Variants in STK40 observed in about 807,000 individuals in gnomAD.
STK40 encodes the protein serine/threonine-protein kinase 40.
In STK40, 13 loss-of-function variants were observed where a neutral mutation model predicts 47.9. The observed-to-expected ratio is 0.27, with a 90% confidence interval of 0.18 to 0.43. The LOEUF (loss-of-function observed/expected upper bound fraction) is 0.43, where lower values mean the gene tolerates loss of function less well. Ranked by LOEUF, STK40 falls within the 20% of genes least tolerant of loss-of-function variation. The pLI, the probability that STK40 is intolerant of heterozygous loss-of-function variation, is 1.00. For missense variants in STK40, 460 were observed against 595.1 expected (o/e 0.77, Z 2.36); for synonymous variants, 225 against 243.2 (o/e 0.93, Z 0.69).
chr1:36,374,158 G>A (rs1646972656), intron 1 of STK40, among the ~76,000 whole-genome samples: 1 of 152,266 alleles, frequency 6.6e-6, no homozygotes, highest in South Asian at 2.1e-4. Context: ...TCTCCTCCAG[G>A]AAGCAAGGTT....
At chr1:36,356,194 G>C (rs1322604551) in intron 4 of STK40, among the ~76,000 whole-genome samples, 2 of 152,156 alleles carry the variant, frequency 1.3e-5, no homozygotes, top group Non-Finnish European at 2.9e-5. Flanking sequence ...TGCACTGCCA[G>C]GGCTCAGTAA....
chr1:36,360,182 G>A (rs989294338), intron 2 of STK40, among the ~76,000 whole-genome samples: 1 of 151,878 alleles, frequency 6.6e-6, no homozygotes, highest in Non-Finnish European at 1.5e-5. Flanking sequence ...AACAGCACAG[G>A]CCTGGCACGT....
At chr1:36,373,059 C>T (rs1447305032) in intron 1 of STK40, among the ~76,000 whole-genome samples, 2 of 152,172 alleles carry the variant, frequency 1.3e-5, no homozygotes, top group Non-Finnish European at 2.9e-5. Flanking sequence ...ATTTGGGGGT[C>T]ATGGAGGTCC....
chr1:36,343,497 T>G, intron 9 of STK40, 49 bp from the exon 10 acceptor site: 1 of 1,555,602 alleles, frequency 6.4e-7, no homozygotes, highest in Non-Finnish European at 8.8e-7. Flanking sequence ...ACCAGGTCCA[T>G]TGATCCCAGA....
At chr1:36,373,802 A>G (rs1570464056) in intron 1 of STK40, among the ~76,000 whole-genome samples, 1 of 152,362 alleles carries the variant, frequency 6.6e-6, no homozygotes, top group Admixed American at 6.5e-5. Context: ...TTTAATGCAT[A>G]ATATCACATC....
intron 6 of STK40, among the ~76,000 whole-genome samples, chr1:36,352,766 G>A (rs992844947): frequency 5.3e-5 from 8 of 152,168 alleles, no homozygotes; most frequent in Admixed American, 2.0e-4. Context: ...CCCTCTGCAC[G>A]CCAGTCCTCC....
chr1:36,358,561 CA>C (rs1392251332), intron 3 of STK40, among the ~76,000 whole-genome samples, 175 bp downstream of exon 3: 1 of 152,152 alleles, frequency 6.6e-6, no homozygotes, highest in Non-Finnish European at 1.5e-5. Flanking sequence ...TATGCACAGA[CA>C]AAACTCTTTA....
At chr1:36,370,141 T>A (rs145573082) in intron 1 of STK40, among the ~76,000 whole-genome samples, 59 of 152,354 alleles carry the variant, frequency 3.9e-4, no homozygotes, top group African/African-American at 1.4e-3. Flanking sequence ...GCTGGCTGAT[T>A]ACCGGGGGTT....
chr1:36,354,951 A>C (rs1476042349), intron 5 of STK40, among the ~76,000 whole-genome samples: 1 of 152,134 alleles, frequency 6.6e-6, no homozygotes, highest in Non-Finnish European at 1.5e-5. Flanking sequence ...CAGGCCTCTT[A>C]ACTGATGGGG....
At chr1:36,384,444 G>A (rs1647068108) in intron 1 of STK40, among the ~76,000 whole-genome samples, 1 of 152,176 alleles carries the variant, frequency 6.6e-6, no homozygotes, top group Non-Finnish European at 1.5e-5. Flanking sequence ...TTCTTATTAC[G>A]TGGCAAACAT....
rs910757026 is a variant in STK40 at position 36,343,498 on chromosome 1, T to C, written c.1005-50A>G. 9 of 1,554,708 alleles carry C rather than the reference T, an allele frequency of 5.8e-6. No individual in the cohort carries two copies. In the East Asian group the frequency reaches 9.2e-5, roughly 16 times the overall value. On this transcript the variant is annotated intron_variant, in intron 9 of 10. Coordinates refer to ENST00000373132, the MANE Select transcript of STK40 (RefSeq NM_001282547.2). Reference sequence around the variant, plus strand: ...CTGGCCCCAGAGAGACCAGGTCCATTGATCCCAGACTTAACTGGAGTCAGA... The same window carrying C: ...CTGGCCCCAGAGAGACCAGGTCCATCGATCCCAGACTTAACTGGAGTCAGA...
chr1:36,354,476 CCCTGTAAGATGGGGG>C, intron 5 of STK40, 60 bp from the exon 6 acceptor site: 1 of 1,586,116 alleles, frequency 6.3e-7, no homozygotes, highest in Non-Finnish European at 8.7e-7. Context: ...TCAGGGCCCA[CCCTGTAAGATGGGGG>C]CTCTCCAGGT....
chr1:36,360,945 G>A (rs1344039761), intron 2 of STK40, among the ~76,000 whole-genome samples: 5 of 152,250 alleles, frequency 3.3e-5, no homozygotes, highest in Middle Eastern at 3.4e-3. Context: ...GGGGAGAGTC[G>A]GAGCCTAGCT....
chr1:36,361,142 G>A, intron 2 of STK40, 79 bp downstream of exon 2: 3 of 1,552,826 alleles, frequency 1.9e-6, no homozygotes, highest in Non-Finnish European at 2.6e-6. Flanking sequence ...TCTGATGTCT[G>A]TAGGTCAGAT....
chr1:36,361,253 T>C lies in STK40; in HGVS notation c.80A>G (p.Asn27Ser), dbSNP rs1420583750. ...GAATGGTCCAGCTCTCTTTGCATTA[T>C]TTCCAGAAATCCCACTTCCTAGAGC... ...AKALGSGISG[N>S]NAKRAGPFIL... The change falls in exon 2 of 11, where the codon AAT becomes AGT. Residue 27 changes from asparagine (N) to serine (S), a missense_variant. Asn to Ser is a conservative substitution (Grantham distance 46, BLOSUM62 1). Around this residue, in one of 3 missense-constraint regions of STK40, gnomAD observed 277 missense variants for 358.7 expected, o/e 0.77. Transcript: ENST00000373132. 2 of 1,614,208 alleles carry C rather than the reference T, an allele frequency of 1.2e-6. No homozygotes were observed. Among genetic ancestry groups the C allele is most frequent in the Admixed American group, 1.7e-5 (1 of 60,028 alleles).
At chr1:36,353,698 G>A (rs112194335) in intron 6 of STK40, among the ~76,000 whole-genome samples, 5 of 152,332 alleles carry the variant, frequency 3.3e-5, no homozygotes, top group African/African-American at 1.2e-4. Flanking sequence ...GGGCACAAAG[G>A]CCAAGCGCGG....
chr1:36,365,078 G>A (rs1001402478), intron 1 of STK40, among the ~76,000 whole-genome samples: 4 of 144,128 alleles, frequency 2.8e-5, no homozygotes, highest in South Asian at 2.2e-4. Context: ...CGCAACCTCC[G>A]CCTCCCAGGT....
chr1:36,382,468 C>T (rs1213150437), intron 1 of STK40, among the ~76,000 whole-genome samples: 2 of 152,170 alleles, frequency 1.3e-5, no homozygotes, highest in African/African-American at 2.4e-5. Context: ...CGTTAGCCAC[C>T]GCGCCTGGCC....
chr1:36,357,941 C>T (rs563287673), intron 4 of STK40, among the ~76,000 whole-genome samples: 3 of 152,336 alleles, frequency 2.0e-5, no homozygotes, highest in African/African-American at 7.2e-5. Context: ...TAAGTGACTT[C>T]TTGCTTTCCT....
Sources: allele counts gnomAD v4.1 joint callset (sites outside exome capture counted in the v4.1 genomes callset), GRCh38; gene constraint gnomAD v4.1.1; regional missense constraint gnomAD v4.1.1; transcripts MANE v1.5; gene names NCBI Gene and HGNC (gene_info 2026-07-23, HGNC 2026-07-21).